FBXO24: variants seen among roughly 807,000 people sequenced by gnomAD.
FBXO24 encodes the protein F-box protein 24, also known as F-box only protein 24.
A neutral mutation model predicts 63.5 loss-of-function variants in FBXO24; 30 were observed. The ratio of observed to expected loss-of-function variants is 0.47; its 90% CI spans 0.35 to 0.64. The LOEUF (loss-of-function observed/expected upper bound fraction) is 0.64, where lower values mean the gene tolerates loss of function less well. FBXO24 is among the 30% of genes least tolerant of loss of function. The pLI is 0.00. For missense variants in FBXO24, 624 were observed against 763.4 expected, an observed-to-expected ratio of 0.82 and a Z score of 2.15; for synonymous variants, 300 against 305.0, an observed-to-expected ratio of 0.98 and a Z score of 0.17.
At position 100,600,649 on chromosome 7, in the gene FBXO24, G is replaced by A. The variant is rs1414836763; in HGVS notation, c.1493G>A (p.Gly498Glu). Residue 498 changes from glycine (G) to glutamate (E), a missense_variant, in exon 10 of 10, where the codon GGG (glycine) becomes GAG (glutamate). Transcript: ENST00000241071. This position sits in a 1 kb window ranked among gnomAD's most constrained non-coding sequence, Gnocchi z 6.3. ...CACCTGCCAGCCAGCAGGGTGGTGG[G>A]GACTCCTGAGCCCAGCCTGGGGGCC... is the stretch of plus-strand genomic sequence containing the variant. ...YRHLPASRVV[G>E]TPEPSLGARA... 1 of 1,613,970 alleles carries A rather than the reference G, an allele frequency of 6.2e-7. No homozygotes were observed. Among genetic ancestry groups the A allele is most frequent in the Non-Finnish European group, 8.5e-7 (1 of 1,179,896 alleles).
Position 100,594,401 on chromosome 7 carries a change from C to T in FBXO24, c.812C>T (p.Ser271Phe). ...CCCCCAGAGGAAGGAAAGATCTACT[C>T]TTTGGTAGTGAATGAGACCCAGCTT... ...LLLTEEGKIY[S>F]LVVNETQLDQ... Residue 271 changes from serine (S) to phenylalanine (F), a missense_variant, in exon 6 of 10, where the codon TCT becomes TTT. This residue lies in a region of FBXO24 where 391 missense variants were observed against 469.1 expected (regional missense o/e 0.83). Transcript: ENST00000241071. This position sits in a 1 kb window ranked among gnomAD's most constrained non-coding sequence, Gnocchi z 4.2. 1 of 1,612,884 alleles carries T rather than the reference C, an allele frequency of 6.2e-7. No homozygotes were observed. The highest frequency in any genetic ancestry group is 8.5e-7 in the Non-Finnish European group (1 of 1,179,528).
chr7:100,599,155 G>A (rs1295779087), intron 8 of FBXO24, among the ~76,000 whole-genome samples: 1 of 152,210 alleles, frequency 6.6e-6, no homozygotes, highest in Admixed American at 6.5e-5. Flanking sequence ...TCAGGAGGCT[G>A]AGGCAGAAGA....
intron 4 of FBXO24, 97 bp downstream of exon 4, chr7:100,591,999 A>T (rs1191185244): frequency 1.5e-5 from 18 of 1,222,602 alleles, no homozygotes; most frequent in Non-Finnish European, 2.1e-5. Context: ...AGTGGCTTAC[A>T]CCTGTAATCC....
intron 3 of FBXO24, 94 bp downstream of exon 3, chr7:100,590,451 A>G (rs2131262173): frequency 1.5e-6 from 2 of 1,309,124 alleles, no homozygotes; most frequent in South Asian, 1.5e-5. Flanking sequence ...CACACTCCCA[A>G]CAGTGCTTCC....
chr7:100,599,967 TCCCAC>T, intron 8 of FBXO24, 59 bp from the exon 9 acceptor site: 1 of 1,496,770 alleles, frequency 6.7e-7, no homozygotes, highest in East Asian at 2.4e-5. Context: ...GTCAACCTTT[TCCCAC>T]CCCAGCCCCC....
chr7:100,599,666 C>G (rs1312997386), intron 8 of FBXO24: 3 of 232,516 alleles, frequency 1.3e-5, no homozygotes, highest in Admixed American at 5.2e-5. Flanking sequence ...GTGTTGGGGT[C>G]TAACCTGGAA....
At position 100,586,532 on chromosome 7, in the gene FBXO24, T is replaced by C. The variant is rs1801759831; in HGVS notation, c.-94T>C. On this transcript the variant is annotated 5_prime_UTR_variant, in exon 1 of 10. Coordinates refer to ENST00000241071, the MANE Select transcript of FBXO24 (RefSeq NM_033506.3). ...CCCCAAAGACCAATCGTAAGCCAGATACAGGCGAGTGACTGTCAAGAAGGC... is the reference window on the plus strand; with the variant it reads ...CCCCAAAGACCAATCGTAAGCCAGACACAGGCGAGTGACTGTCAAGAAGGC... 3.8e-6 allele frequency: 5 copies of C among 1,325,010 alleles called. No individual in the cohort carries two copies. Among genetic ancestry groups the C allele is most frequent in the Non-Finnish European group, 5.4e-6 (5 of 921,896 alleles). The allele number at this position is 1,325,010 out of a possible 1,614,324, so 82.1% of individuals were successfully genotyped here. A position where few individuals can be genotyped will look rare whatever the true frequency, so the allele number is the denominator to read the frequency against.
chr7:100,586,932 A>G lies in FBXO24; in HGVS notation c.39+268A>G, dbSNP rs906163947. ...GCTGGGGGCGGGCGGGGGGCTTCCC[A>G]GAGCCTGGAGATGCCCAGCTCGAGG... On this transcript the variant is annotated intron_variant, in intron 1 of 9. Coordinates refer to ENST00000241071, the MANE Select transcript of FBXO24 (RefSeq NM_033506.3). Among the ~76,000 whole-genome samples, 4 of 152,254 alleles carry G rather than the reference A, an allele frequency of 2.6e-5. No homozygotes were observed. The East Asian group carries it at 7.7e-4, about 29-fold the overall frequency.
At chr7:100,591,183 C>T (rs936208601) in intron 3 of FBXO24, among the ~76,000 whole-genome samples, 2 of 151,742 alleles carry the variant, frequency 1.3e-5, no homozygotes, top group African/African-American at 4.8e-5. Context: ...ATTACAGGCT[C>T]CCGCCACCAC....
chr7:100,586,859 G>T (rs536147332), intron 1 of FBXO24, 195 bp downstream of exon 1: 66 of 670,848 alleles, frequency 9.8e-5, no homozygotes, highest in Non-Finnish European at 1.7e-4. Context: ...GGGGCAGCGG[G>T]GGGACCTCCG....
In FBXO24 at chr7:100,592,965, G is replaced by A. The variant is rs1562818433; in HGVS notation, c.741G>A (p.Lys247=). The change falls in exon 5 of 10, where the codon AAG becomes AAA. Residue 247 remains lysine (K), a synonymous_variant. Transcript: ENST00000241071. Reference sequence around the variant, plus strand: ...CATTCCACCACTCAATGACCTTCAAGCAGATCGTGCTGGTTGGTCAGGAGA... The same window carrying A: ...CATTCCACCACTCAATGACCTTCAAACAGATCGTGCTGGTTGGTCAGGAGA... The part of the protein sequence containing the change: ...KMTFHHSMTF[K]QIVLVGQETQ... 11 of 1,614,076 alleles carry A rather than the reference G, an allele frequency of 6.8e-6. No homozygotes were observed. The highest frequency in any genetic ancestry group is 9.3e-6 in the Non-Finnish European group (11 of 1,180,056).
In FBXO24 at chr7:100,586,328, A is replaced by G. The variant is rs1428060385; in HGVS notation, c.-298A>G. On this transcript the variant is annotated 5_prime_UTR_variant, in exon 1 of 10. Coordinates refer to ENST00000241071, the MANE Select transcript of FBXO24 (RefSeq NM_033506.3). The stretch of plus-strand genomic sequence containing the variant: ...CGAGAGAAGGGAGGGGAACAAGGAT[A>G]GAGCGCTCGCCAACGGCCGACGCTC... 4.4e-6 allele frequency: 3 copies of G among 686,060 alleles called. No individual in the cohort carries two copies. Among genetic ancestry groups the G allele is most frequent in the East Asian group, 2.7e-5 (1 of 36,676 alleles). 42.5% of individuals were successfully genotyped at this position (686,060 alleles called of 1,614,324 possible).
chr7:100,595,188 C>T lies in FBXO24; in HGVS notation c.1039C>T (p.Gln347Ter). Residue 347 changes from glutamine to a stop codon, truncating the protein, a stop_gained, in exon 7 of 10, where the codon CAG (glutamine) becomes TAG (stop). Transcript: ENST00000241071. LOFTEE classifies it high-confidence loss of function. Reference protein sequence around the residue: ...GTLQAFDPLDQQMPLALSLPA... With the variant: ...GTLQAFDPLD ...CCTTCAAGCCTTTGACCCCCTGGAC[C>T]AGCAGATGCCGCTTGCTCTCTCACT... The T allele has an allele frequency of 1.2e-6, 2 of 1,614,124 alleles. No individual in the cohort carries two copies. The highest frequency in any genetic ancestry group is 1.7e-6 in the Non-Finnish European group (2 of 1,180,010).
Position 100,590,274 on chromosome 7 carries a change from G to A in FBXO24, c.239G>A (p.Arg80Lys). 1 of 1,614,196 alleles carries A rather than the reference G, an allele frequency of 6.2e-7. No individual in the cohort carries two copies. Among genetic ancestry groups the A allele is most frequent in the Non-Finnish European group, 8.5e-7 (1 of 1,180,018 alleles). ...GTGTGCGATGGGGAAGGCGTGTGGA[G>A]ACGCATCTGTCGCAGACTCAGTCCG... ...HEVCDGEGVW[R>K]RICRRLSPRL... Residue 80 changes from arginine to lysine, a missense_variant, in exon 3 of 10, where the codon AGA becomes AAA. Physicochemically the swap from Arg to Lys is conservative, Grantham distance 26 (BLOSUM62 2). Transcript: ENST00000241071.
At chr7:100,591,272 C>T (rs1802011952) in intron 3 of FBXO24, among the ~76,000 whole-genome samples, 1 of 151,778 alleles carries the variant, frequency 6.6e-6, no homozygotes, top group South Asian at 2.1e-4. Context: ...CCTGGGCTCC[C>T]AAAGTGCTGG....
Position 100,592,815 on chromosome 7 carries a change from C to T in FBXO24, c.591C>T (p.Tyr197=). 6.2e-7 allele frequency: 1 copy of T among 1,614,164 alleles called. No individual in the cohort carries two copies. The part of the protein sequence containing the change: ...FASDPRCDTV[Y]RKYLYVLATR... Reference sequence around the variant, plus strand: ...CGGACCCAAGGTGTGACACAGTTTACCGTAAATACCTCTACGTCTTGGCCA... The same window carrying T: ...CGGACCCAAGGTGTGACACAGTTTATCGTAAATACCTCTACGTCTTGGCCA... The change falls in exon 5 of 10, where the codon TAC becomes TAT. Residue 197 remains tyrosine (Y), a synonymous_variant. Transcript: ENST00000241071.
At chr7:100,595,271 G>A (rs749858728) in intron 7 of FBXO24, 48 bp downstream of exon 7, 28 of 1,613,298 alleles carry the variant, frequency 1.7e-5, no homozygotes, top group Non-Finnish European at 2.1e-5. Flanking sequence ...GCGCTGTAGG[G>A]ATTGGAAGGT....
rs181289099 is a variant in FBXO24 at position 100,591,839 on chromosome 7, C to T, written c.495C>T (p.Thr165=). 9.5e-5 allele frequency: 154 copies of T among 1,614,240 alleles called. No individual in the cohort carries two copies. In the South Asian group the frequency reaches 1.3e-3, roughly 14 times the overall value. The part of the protein sequence containing the change: ...LFFLKNALVS[T]LGQMQWKRAC... The stretch of plus-strand genomic sequence containing the variant: ...TCCTCAAAAATGCCCTGGTCTCCAC[C>T]CTCGGCCAGATGCAGTGGAAGCGGG... The change falls in exon 4 of 10, where the codon ACC becomes ACT. Residue 165 remains threonine, a synonymous_variant. Transcript: ENST00000241071.
Position 100,600,731 on chromosome 7 carries a change from G to A in FBXO24, c.1575G>A (p.Gln525=). Residue 525 remains glutamine, a synonymous_variant, in exon 10 of 10, where the codon CAG becomes CAA. Coordinates refer to ENST00000241071, the MANE Select transcript of FBXO24 (RefSeq NM_033506.3). The surrounding 1 kb of genome is among the most constrained non-coding windows in gnomAD (Gnocchi z 6.3). ...MAQACEEYLS[Q]IHSCQTLQDR... Reference sequence around the variant, plus strand: ...AGGCCTGCGAGGAGTACCTCAGCCAGATCCACAGTTGCCAAACGTTGCAGG... The same window carrying A: ...AGGCCTGCGAGGAGTACCTCAGCCAAATCCACAGTTGCCAAACGTTGCAGG... The A allele has an allele frequency of 6.2e-7, 1 of 1,614,204 alleles. No homozygotes were observed. The highest frequency in any genetic ancestry group is 8.5e-7 in the Non-Finnish European group (1 of 1,180,020).
Sources: allele counts gnomAD v4.1 joint callset (sites outside exome capture counted in the v4.1 genomes callset), GRCh38; gene constraint gnomAD v4.1.1; regional missense constraint gnomAD v4.1.1; non-coding constraint Gnocchi (gnomAD v3.1); transcripts MANE v1.5; gene names NCBI Gene and HGNC (gene_info 2026-07-23, HGNC 2026-07-21).